Variants in TASP1 observed in about 807,000 individuals in gnomAD.
TASP1 encodes the protein threonine aspartase 1.
TASP1 carries 16 observed loss-of-function variants against 56.6 expected under a neutral mutation model. That is an observed-to-expected ratio of 0.28 (90% CI 0.19 to 0.43). TASP1 has a LOEUF of 0.43. Ranked by LOEUF, TASP1 falls within the 20% of genes least tolerant of loss-of-function variation. The pLI is 1.00. For missense variants in TASP1, 393 were observed against 511.6 expected (o/e 0.77, Z 2.24); for synonymous variants, 179 against 184.2 (o/e 0.97, Z 0.23).
chr20:13,431,250 AC>A (rs1051738855), intron 12 of TASP1, among the ~76,000 whole-genome samples: 1 of 152,178 alleles, frequency 6.6e-6, no homozygotes, highest in African/African-American at 2.4e-5. Flanking sequence ...TACTCTTATG[AC>A]AGTGAAAAAG....
At chr20:13,312,172 A>G in the TASP1 span, among the ~76,000 whole-genome samples, 1 of 152,224 alleles carries the variant, frequency 6.6e-6, no homozygotes, top group African/African-American at 2.4e-5. Context: ...TATATGTGAT[A>G]TATTTTAAAC....
At chr20:13,120,280 C>T in the TASP1 span, among the ~76,000 whole-genome samples, 2 of 152,074 alleles carry the variant, frequency 1.3e-5, no homozygotes, top group African/African-American at 2.4e-5. Context: ...AGATACTTCC[C>T]GTATATCTCA....
chr20:13,438,191 T>C (rs73610480), intron 11 of TASP1, among the ~76,000 whole-genome samples: 1 of 152,070 alleles, frequency 6.6e-6, no homozygotes. Flanking sequence ...GAGCCCGCAT[T>C]GCCAAGTCAA....
At chr20:13,195,386 CCT>C in the TASP1 span, among the ~76,000 whole-genome samples, 1 of 152,154 alleles carries the variant, frequency 6.6e-6, no homozygotes, top group Non-Finnish European at 1.5e-5. Flanking sequence ...AGGCACCGGC[CCT>C]CTCTGCCCGT....
At chr20:13,340,057 A>T in the TASP1 span, among the ~76,000 whole-genome samples, 1 of 152,102 alleles carries the variant, frequency 6.6e-6, no homozygotes, top group Non-Finnish European at 1.5e-5. Context: ...GAGTCTGAAA[A>T]AGGCCAATAC....
intron 13 of TASP1, among the ~76,000 whole-genome samples, chr20:13,414,795 G>T (rs756763415): frequency 5.9e-5 from 9 of 151,338 alleles, no homozygotes; most frequent in Non-Finnish European, 1.2e-4. Flanking sequence ...TAAATTAAAT[G>T]ATTTAATTGC....
chr20:13,126,754 C>G, the TASP1 span: 2 of 1,609,728 alleles, frequency 1.2e-6, no homozygotes, highest in Non-Finnish European at 1.7e-6. Flanking sequence ...TCCTGGACCT[C>G]TCTGTCTCCC....
chr20:13,634,092 A>G (rs1408178887), intron 1 of TASP1, among the ~76,000 whole-genome samples: 1 of 152,216 alleles, frequency 6.6e-6, no homozygotes, highest in African/African-American at 2.4e-5. Flanking sequence ...AAACTTATAC[A>G]TGGATATTCA....
the TASP1 span, chr20:13,298,913 T>C: frequency 6.2e-7 from 1 of 1,607,302 alleles, no homozygotes; most frequent in Non-Finnish European, 8.5e-7. Context: ...GTACACGCGG[T>C]GAGAGGGTTT....
the TASP1 span, chr20:13,168,180 CT>C: frequency 0.027 from 3,808 of 140,222 alleles, 62 homozygotes; most frequent in Non-Finnish European, 0.032. Flanking sequence ...TTCTTTCTTT[CT>C]TTTTTTTTTT....
the TASP1 span, among the ~76,000 whole-genome samples, chr20:13,206,239 A>G: frequency 5.3e-5 from 8 of 152,002 alleles, no homozygotes; most frequent in African/African-American, 1.9e-4. Flanking sequence ...AACTCACTAC[A>G]CACACTTGGT....
At chr20:13,190,742 T>C in the TASP1 span, among the ~76,000 whole-genome samples, 1 of 151,982 alleles carries the variant, frequency 6.6e-6, no homozygotes, top group Non-Finnish European at 1.5e-5. Context: ...TGGAATTATA[T>C]CAAACTAAAA....
At chr20:13,358,144 G>T in the TASP1 span, among the ~76,000 whole-genome samples, 2 of 152,086 alleles carry the variant, frequency 1.3e-5, no homozygotes, top group Non-Finnish European at 2.9e-5. Flanking sequence ...ACTCCTGCCC[G>T]CCAGAGAACA....
the TASP1 span, among the ~76,000 whole-genome samples, chr20:13,198,722 G>A: frequency 6.6e-6 from 1 of 152,106 alleles, no homozygotes; most frequent in African/African-American, 2.4e-5. Flanking sequence ...CTAAATGCCT[G>A]TAACTGGCCC....
the TASP1 span, among the ~76,000 whole-genome samples, chr20:13,312,301 G>A: frequency 1.3e-3 from 205 of 152,248 alleles, 1 homozygote; most frequent in East Asian, 9.7e-3. Flanking sequence ...GTTCACAGTC[G>A]GCATGTGTGG....
chr20:13,274,657 C>G, the TASP1 span, among the ~76,000 whole-genome samples: 1 of 150,068 alleles, frequency 6.7e-6, no homozygotes, highest in Non-Finnish European at 1.5e-5. Context: ...GTCCCGCCCC[C>G]TCTCCACTCC....
At chr20:13,212,669 T>C in the TASP1 span, among the ~76,000 whole-genome samples, 1 of 152,218 alleles carries the variant, frequency 6.6e-6, no homozygotes, top group Non-Finnish European at 1.5e-5. Flanking sequence ...TGGATAAAAG[T>C]TGATGGTTAT....
intron 4 of TASP1, among the ~76,000 whole-genome samples, chr20:13,600,937 T>C (rs2047934172): frequency 6.6e-6 from 1 of 152,144 alleles, no homozygotes; most frequent in African/African-American, 2.4e-5. Context: ...GTAACCAGTA[T>C]TCCTTGGAGA....
the TASP1 span, among the ~76,000 whole-genome samples, chr20:13,111,852 A>G: frequency 2.6e-5 from 4 of 152,328 alleles, no homozygotes; most frequent in East Asian, 3.9e-4. Context: ...CATGGCTGAA[A>G]TTAAGTAGAC....
Sources: allele counts gnomAD v4.1 joint callset (sites outside exome capture counted in the v4.1 genomes callset), GRCh38; gene constraint gnomAD v4.1.1; transcripts MANE v1.5; gene names NCBI Gene and HGNC (gene_info 2026-07-23, HGNC 2026-07-21).